PLEKHM3: variants seen among roughly 807,000 people sequenced by gnomAD.
PLEKHM3 encodes the protein pleckstrin homology domain containing M3.
A neutral mutation model predicts 81.8 loss-of-function variants in PLEKHM3; 45 were observed. The ratio of observed to expected loss-of-function variants is 0.55; its 90% CI spans 0.43 to 0.71. The LOEUF (loss-of-function observed/expected upper bound fraction) is 0.71, where lower values mean the gene tolerates loss of function less well. Ranked by LOEUF, PLEKHM3 falls within the 30% of genes least tolerant of loss-of-function variation. The pLI is 0.00. For synonymous variants in PLEKHM3, 352 were observed against 356.4 expected (o/e 0.99, Z 0.14); for missense variants, 788 against 924.3 (o/e 0.85, Z 1.91).
chr2:207,956,492 A>G (rs1197612077), intron 3 of PLEKHM3, among the ~76,000 whole-genome samples: 1 of 151,948 alleles, frequency 6.6e-6, no homozygotes, highest in Non-Finnish European at 1.5e-5. Flanking sequence ...AAAAAAAGAT[A>G]TAGGAACAAC....
rs1429142949 is a variant in PLEKHM3 at position 208,024,175 on chromosome 2, A to AATAACATAAC, written c.-319+1213_-319+1214insGTTATGTTAT. ...AATAAAATAAAATAAAATAAAATAA[A>AATAACATAAC]ATAAAATAACAATAATAAAAACCCT... On this transcript the variant is annotated intron_variant, in intron 1 of 7. Coordinates refer to ENST00000427836, the MANE Select transcript of PLEKHM3 (RefSeq NM_001080475.3). 2.0e-3 allele frequency among the ~76,000 whole-genome samples: 303 copies of AATAACATAAC among 149,070 alleles called. 2 individuals are homozygous for AATAACATAAC. The highest frequency in any genetic ancestry group is 7.3e-3 in the African/African-American group (284 of 38,852).
rs1559193705 is a variant in PLEKHM3, at chr2:207,822,092, A to ATTTGCCTACATGCCCAC, written c.*6226_*6227insGTGGGCATGTAGGCAAA. The ATTTGCCTACATGCCCAC allele has an allele frequency of 4.1e-4, 63 of 152,398 alleles. No individual in the cohort carries two copies. Among genetic ancestry groups the ATTTGCCTACATGCCCAC allele is most frequent in the African/African-American group, 1.4e-3 (57 of 41,564 alleles). 9.4% of individuals were successfully genotyped at this position (152,398 alleles called of 1,614,324 possible). On this transcript the variant is annotated 3_prime_UTR_variant, in exon 8 of 8. Transcript: ENST00000427836. ...CTCCCAAATAGCTGGGACTGTAGGC[A>ATTTGCCTACATGCCCAC]CATGCCACCATGCCCAGCGTAACAG...
chr2:207,872,365 A>C (rs908003790), intron 6 of PLEKHM3, among the ~76,000 whole-genome samples: 2 of 152,180 alleles, frequency 1.3e-5, no homozygotes, highest in Non-Finnish European at 2.9e-5. Context: ...CTTATTGAAA[A>C]ATAATACCTC....
intron 2 of PLEKHM3, among the ~76,000 whole-genome samples, chr2:207,987,926 G>A (rs924278512): frequency 1.3e-4 from 20 of 152,082 alleles, no homozygotes; most frequent in South Asian, 8.3e-4. Context: ...TTACTTCTCC[G>A]ATTTAATCAC....
At chr2:207,851,038 A>C (rs2092409318) in intron 7 of PLEKHM3, among the ~76,000 whole-genome samples, 2 of 151,608 alleles carry the variant, frequency 1.3e-5, no homozygotes, top group South Asian at 4.2e-4. Context: ...CTGTAATCCC[A>C]GCTACTAGGG....
chr2:207,897,325 G>A (rs1038016627), intron 6 of PLEKHM3, among the ~76,000 whole-genome samples: 11 of 152,270 alleles, frequency 7.2e-5, no homozygotes, highest in South Asian at 6.2e-4. Flanking sequence ...TCTTGATGAC[G>A]CTGAAGAAAA....
intron 1 of PLEKHM3, among the ~76,000 whole-genome samples, chr2:208,016,756 G>A (rs903779180): frequency 4.6e-5 from 7 of 151,148 alleles, no homozygotes; most frequent in East Asian, 1.9e-4. Flanking sequence ...ACCTTTCAGC[G>A]TGAGGCAACC....
chr2:207,981,950 C>T (rs1185021621), intron 2 of PLEKHM3, among the ~76,000 whole-genome samples: 1 of 152,146 alleles, frequency 6.6e-6, no homozygotes, highest in Non-Finnish European at 1.5e-5. Flanking sequence ...TTGAACAGTG[C>T]AGGTCCACTT....
intron 7 of PLEKHM3, among the ~76,000 whole-genome samples, chr2:207,831,715 G>C (rs2105879662): frequency 6.6e-6 from 1 of 152,286 alleles, no homozygotes; most frequent in East Asian, 1.9e-4. Context: ...GTCACCTCTA[G>C]CATCTTCCTC....
chr2:207,954,736 C>T (rs1412896987), intron 3 of PLEKHM3, among the ~76,000 whole-genome samples: 1 of 152,164 alleles, frequency 6.6e-6, no homozygotes, highest in Non-Finnish European at 1.5e-5. Flanking sequence ...GTAGGACCTA[C>T]GTTGTGTTAA....
chr2:207,963,168 C>T (rs1026317627), intron 3 of PLEKHM3, among the ~76,000 whole-genome samples: 3 of 152,038 alleles, frequency 2.0e-5, no homozygotes, highest in African/African-American at 7.2e-5. Context: ...GTAACATTTA[C>T]GTTAGTGGCC....
intron 7 of PLEKHM3, among the ~76,000 whole-genome samples, chr2:207,831,573 T>C (rs757745480): frequency 6.6e-6 from 1 of 152,232 alleles, no homozygotes; most frequent in Non-Finnish European, 1.5e-5. Context: ...TCCTATTCAC[T>C]GGGTTGCTGT....
At chr2:207,896,315 A>G (rs1407308614) in intron 6 of PLEKHM3, among the ~76,000 whole-genome samples, 1 of 152,244 alleles carries the variant, frequency 6.6e-6, no homozygotes, top group Non-Finnish European at 1.5e-5. Context: ...GCAAGGCCAT[A>G]GCCAGAATAA....
At chr2:207,882,290 T>TTC (rs1481725452) in intron 6 of PLEKHM3, among the ~76,000 whole-genome samples, 2 of 151,914 alleles carry the variant, frequency 1.3e-5, no homozygotes, top group South Asian at 2.1e-4. Flanking sequence ...TTGTTTTCTC[T>TTC]TCTCTCTCTC....
chr2:207,980,471 C>T (rs1691483207), intron 2 of PLEKHM3, among the ~76,000 whole-genome samples: 1 of 152,200 alleles, frequency 6.6e-6, no homozygotes, highest in Non-Finnish European at 1.5e-5. Flanking sequence ...TTTCCTATCT[C>T]TGTTCTCCCA....
chr2:207,999,780 G>T (rs1175599786), intron 2 of PLEKHM3, among the ~76,000 whole-genome samples: 2 of 152,182 alleles, frequency 1.3e-5, no homozygotes, highest in African/African-American at 2.4e-5. Context: ...CAGGAACACT[G>T]CATTTGCTTA....
At position 208,000,906 on chromosome 2, in the gene PLEKHM3, G is replaced by A. The variant is rs529096705; in HGVS notation, c.610+124C>T. 1.7e-3 allele frequency: 1,599 copies of A among 930,828 alleles called. 20 individuals are homozygous for A. The African/African-American group carries it at 0.025, about 15-fold the overall frequency. 57.7% of individuals were successfully genotyped at this position (930,828 alleles called of 1,614,324 possible). On this transcript the variant is annotated intron_variant, in intron 2 of 7. Coordinates refer to ENST00000427836, the MANE Select transcript of PLEKHM3 (RefSeq NM_001080475.3). ...AAGATTCTCATGAGCCAGATTAAGA[G>A]AGACAAAGGAAAAACCAACAATGAT...
intron 5 of PLEKHM3, among the ~76,000 whole-genome samples, chr2:207,919,738 C>T (rs572630590): frequency 3.3e-5 from 5 of 152,206 alleles, no homozygotes; most frequent in African/African-American, 4.8e-5. Flanking sequence ...AAGGTTAAGA[C>T]GTTATTAGAC....
chr2:207,939,343 G>C (rs1689860401), intron 4 of PLEKHM3, among the ~76,000 whole-genome samples: 2 of 152,180 alleles, frequency 1.3e-5, no homozygotes, highest in Non-Finnish European at 2.9e-5. Flanking sequence ...TTTAAGCTGA[G>C]TTTTAGGATT....
Sources: allele counts gnomAD v4.1 joint callset (sites outside exome capture counted in the v4.1 genomes callset), GRCh38; gene constraint gnomAD v4.1.1; transcripts MANE v1.5; gene names NCBI Gene and HGNC (gene_info 2026-07-23, HGNC 2026-07-21).